Variants in HPN observed in about 807,000 individuals in gnomAD.
HPN encodes serine protease hepsin.
A neutral mutation model predicts 55.9 loss-of-function variants in HPN; 13 were observed. The observed-to-expected ratio is 0.23, with a 90% CI of 0.15 to 0.37. The LOEUF is 0.37. Among genes scored for constraint, HPN ranks in the 10% least tolerant of loss-of-function variants. The pLI, the probability that HPN is intolerant of heterozygous loss-of-function variation, is 1.00. For missense variants in HPN, 451 were observed against 575.8 expected, an observed-to-expected ratio of 0.78 and a Z score of 2.22; for synonymous variants, 225 against 240.3, an observed-to-expected ratio of 0.94 and a Z score of 0.59.
At chr19:35,051,056 A>G (rs1445327766) in intron 4 of HPN, among the ~76,000 whole-genome samples, 1 of 150,870 alleles carries the variant, frequency 6.6e-6, no homozygotes, top group Non-Finnish European at 1.5e-5. Context: ...AGCTGGGACT[A>G]TAGGCTAATG....
At chr19:35,045,672 C>T (rs1332696200) in intron 2 of HPN, among the ~76,000 whole-genome samples, 1 of 151,530 alleles carries the variant, frequency 6.6e-6, no homozygotes, top group East Asian at 2.0e-4. Flanking sequence ...TAGAGACACG[C>T]AGGGAGGATG....
At chr19:35,062,896 AATAACGGTG>A (rs3074472) in intron 9 of HPN, among the ~76,000 whole-genome samples, 129,286 of 151,668 alleles carry the variant, frequency 0.85, 56,163 homozygotes, top group Non-Finnish European at 0.93. Context: ...ACATAATAAT[AATAACGGTG>A]ATAATGATGA....
intron 2 of HPN, 82 bp downstream of exon 2, chr19:35,042,604 C>A: frequency 8.3e-7 from 1 of 1,200,968 alleles, no homozygotes; most frequent in African/African-American, 1.5e-5. Context: ...CTCTACTCTT[C>A]GGAGCCCCCT....
intron 4 of HPN, among the ~76,000 whole-genome samples, chr19:35,053,958 A>C (rs892712063): frequency 4.6e-5 from 7 of 152,170 alleles, no homozygotes; most frequent in African/African-American, 1.7e-4. Flanking sequence ...GCCGTAGCTG[A>C]ATATATTAGG....
At chr19:35,045,670 C>T (rs923277737) in intron 2 of HPN, among the ~76,000 whole-genome samples, 2 of 151,508 alleles carry the variant, frequency 1.3e-5, no homozygotes, top group Admixed American at 6.6e-5. Context: ...AGTAGAGACA[C>T]GCAGGGAGGA....
rs1289271770 is a variant in HPN at position 35,041,828 on chromosome 19, C to G, written c.-99C>G. ...GCCCAGGCCTGGAGACTGACCCGAC[C>G]CCGGCACTACCTCGAGGCTCCGCCC... On this transcript the variant is annotated 5_prime_UTR_variant, in exon 1 of 13. Transcript: ENST00000672452. 5 of 1,342,880 alleles carry G rather than the reference C, an allele frequency of 3.7e-6. No individual in the cohort carries two copies. The highest frequency in any genetic ancestry group is 3.5e-5 in the South Asian group (3 of 86,540). The allele number at this position is 1,342,880 out of a possible 1,614,324, so 83.2% of individuals were successfully genotyped here. A position where few individuals can be genotyped will look rare whatever the true frequency, so the allele number is the denominator to read the frequency against.
chr19:35,060,829 G>T lies in HPN; in HGVS notation c.811+12G>T, dbSNP rs1600394496. ...CCTGCCCCTCACAGGTAAGTCTAAGGGCTGAGCCATGGGGCTTGAGGACCC... is the reference window on the plus strand; with the variant it reads ...CCTGCCCCTCACAGGTAAGTCTAAGTGCTGAGCCATGGGGCTTGAGGACCC... On this transcript the variant is annotated intron_variant, in intron 9 of 12. Transcript: ENST00000672452. 6.4e-7 allele frequency: 1 copy of T among 1,554,724 alleles called. No individual in the cohort carries two copies. Among genetic ancestry groups the T allele is most frequent in the South Asian group, 1.2e-5 (1 of 80,934 alleles).
At chr19:35,049,606 G>C (rs2064382752) in intron 4 of HPN, 90 bp downstream of exon 4, 1 of 1,131,246 alleles carries the variant, frequency 8.8e-7, no homozygotes, top group Admixed American at 2.0e-5. Context: ...TTGAATAAAT[G>C]CACAAATGCA....
chr19:35,061,490 AG>A (rs1371174108), intron 9 of HPN, among the ~76,000 whole-genome samples: 3 of 152,036 alleles, frequency 2.0e-5, no homozygotes, highest in Admixed American at 1.3e-4. Flanking sequence ...GCTACTCGGG[AG>A]GATGAGGCAG....
At chr19:35,047,763 T>C (rs894681584) in intron 2 of HPN, among the ~76,000 whole-genome samples, 4 of 151,796 alleles carry the variant, frequency 2.6e-5, no homozygotes, top group African/African-American at 9.7e-5. Context: ...TTTGGGAGGC[T>C]GAGACAAGCA....
intron 9 of HPN, among the ~76,000 whole-genome samples, chr19:35,062,522 T>C (rs769065299): frequency 6.6e-5 from 10 of 152,200 alleles, no homozygotes; most frequent in Admixed American, 2.0e-4. Flanking sequence ...GGTGCCAACA[T>C]GTCCTTAACA....
intron 4 of HPN, among the ~76,000 whole-genome samples, chr19:35,051,169 C>T (rs952106487): frequency 2.6e-5 from 4 of 152,058 alleles, no homozygotes; most frequent in Admixed American, 6.6e-5. Context: ...AGTGCTGTGG[C>T]GCGATCTTGG....
At chr19:35,062,333 G>C (rs1404950672) in intron 9 of HPN, among the ~76,000 whole-genome samples, 1 of 152,182 alleles carries the variant, frequency 6.6e-6, no homozygotes, top group African/African-American at 2.4e-5. Flanking sequence ...AGTGACTTGT[G>C]CCTTTAAAAG....
chr19:35,049,241 C>T (rs751561226), intron 2 of HPN, 49 bp from the exon 3 acceptor site: 31 of 1,381,128 alleles, frequency 2.2e-5, no homozygotes, highest in Middle Eastern at 2.1e-4. Context: ...CAGACCCTGC[C>T]GCAATGAGGA....
rs536067417 is a variant in HPN, at chr19:35,054,535, G to A, written c.160+5019G>A. Among the ~76,000 whole-genome samples the A allele has an allele frequency of 2.6e-5, 4 of 152,184 alleles. No homozygotes were observed. In the South Asian group the frequency reaches 8.3e-4, roughly 32 times the overall value. On this transcript the variant is annotated intron_variant, in intron 4 of 12. Transcript: ENST00000672452. ...AGCCCACTGACACCCCCCAGTAAAC[G>A]TAGCCAGTGCTATTATTACTGTGCT...
chr19:35,057,723 AT>A (rs1438221961), intron 4 of HPN, among the ~76,000 whole-genome samples: 1 of 152,180 alleles, frequency 6.6e-6, no homozygotes, highest in East Asian at 1.9e-4. Context: ...GCTAAAAGAT[AT>A]TTTAAGTGTT....
intron 4 of HPN, among the ~76,000 whole-genome samples, chr19:35,057,491 A>T (rs1352199977): frequency 6.6e-6 from 1 of 152,080 alleles, no homozygotes; most frequent in Non-Finnish European, 1.5e-5. Context: ...ATGTATTTAT[A>T]CTATATTATT....
In HPN at chr19:35,050,351, T is replaced by G. The variant is rs180802991; in HGVS notation, c.160+835T>G. 7.8e-4 allele frequency: 366 copies of G among 466,434 alleles called. 2 individuals carry two copies. The highest frequency in any genetic ancestry group is 7.1e-3 in the African/African-American group (355 of 50,048). The allele number at this position is 466,434 out of a possible 1,614,324, so 28.9% of individuals were successfully genotyped here. On this transcript the variant is annotated intron_variant, in intron 4 of 12. Coordinates refer to ENST00000672452, the MANE Select transcript of HPN (RefSeq NM_001384133.1). Reference sequence around the variant, plus strand: ...GTTGGCCAGGACGGTCTCTATCTCCTGACCTTGTGATCCACCCGCCTCGGC... The same window carrying G: ...GTTGGCCAGGACGGTCTCTATCTCCGGACCTTGTGATCCACCCGCCTCGGC...
At chr19:35,048,026 G>GAAGAAAGAAAGAA (rs2064359585) in intron 2 of HPN, among the ~76,000 whole-genome samples, 3 of 55,522 alleles carry the variant, frequency 5.4e-5, no homozygotes, top group Non-Finnish European at 1.1e-4. Context: ...GAGAGAGAGA[G>GAAGAAAGAAAGAA]AAAAAGAAAG....
Sources: allele counts gnomAD v4.1 joint callset (sites outside exome capture counted in the v4.1 genomes callset), GRCh38; gene constraint gnomAD v4.1.1; transcripts MANE v1.5; gene names NCBI Gene and HGNC (gene_info 2026-07-23, HGNC 2026-07-21).